Variants in NUP210 observed in about 807,000 individuals in gnomAD.
The protein encoded by NUP210 is nucleoporin 210.
NUP210 carries 151 observed loss-of-function variants against 196.0 expected under a neutral mutation model. The observed-to-expected ratio is 0.77, with a 90% confidence interval of 0.67 to 0.88. The LOEUF is 0.88. Ranked by LOEUF, NUP210 falls within the 40% of genes least tolerant of loss-of-function variation. The pLI, the probability that NUP210 is intolerant of heterozygous loss-of-function variation, is 0.00. For synonymous variants in NUP210, 1,070 were observed against 1,052.7 expected, an observed-to-expected ratio of 1.02 and a Z score of -0.32; for missense variants, 2,314 against 2,493.7, an observed-to-expected ratio of 0.93 and a Z score of 1.53.
At chr3:13,338,490 G>A (rs1331053104) in intron 25 of NUP210, among the ~76,000 whole-genome samples, 4 of 152,214 alleles carry the variant, frequency 2.6e-5, no homozygotes, top group African/African-American at 9.6e-5. Flanking sequence ...ACGTGCTCAG[G>A]CTGAGCCCAT....
In NUP210 at chr3:13,319,995, G is replaced by T. The variant is rs779370502; in HGVS notation, c.5167-16C>A. Reference sequence around the variant, plus strand: ...CGGATTTCACCTGGAAGAGACATCAGAGCTGGGGGTGCACATTCTGCAGAG... The same window carrying T: ...CGGATTTCACCTGGAAGAGACATCATAGCTGGGGGTGCACATTCTGCAGAG... On this transcript the variant is annotated splice_polypyrimidine_tract_variant and intron_variant, in intron 36 of 39. Coordinates refer to ENST00000254508, the MANE Select transcript of NUP210 (RefSeq NM_024923.4). 3 of 1,611,132 alleles carry T rather than the reference G, an allele frequency of 1.9e-6. No homozygotes were observed. The African/African-American group carries it at 4.0e-5, about 22-fold the overall frequency.
chr3:13,410,485 A>AT (rs1352861853), intron 1 of NUP210, among the ~76,000 whole-genome samples: 1 of 149,548 alleles, frequency 6.7e-6, no homozygotes, highest in Non-Finnish European at 1.5e-5. Flanking sequence ...GCCAATACTG[A>AT]TTTTTAAAAG....
At chr3:13,357,044 C>T (rs192549595) in intron 16 of NUP210, among the ~76,000 whole-genome samples, 2 of 152,366 alleles carry the variant, frequency 1.3e-5, no homozygotes, top group East Asian at 3.9e-4. Context: ...AGCAGGCTGC[C>T]TGTCCAGAGA....
At chr3:13,375,867 C>A (rs879433654) in intron 10 of NUP210, among the ~76,000 whole-genome samples, 1 of 146,222 alleles carries the variant, frequency 6.8e-6, no homozygotes, top group Non-Finnish European at 1.5e-5. Context: ...TCAGGGCACC[C>A]CAGCAGGATG....
intron 18 of NUP210, 124 bp downstream of exon 18, chr3:13,353,430 G>T: frequency 2.6e-6 from 2 of 765,440 alleles, no homozygotes; most frequent in Non-Finnish European, 4.5e-6. Flanking sequence ...AGAGGCTGGG[G>T]TGGGGGAGTG....
intron 23 of NUP210, among the ~76,000 whole-genome samples, chr3:13,341,301 T>C (rs908105117): frequency 3.9e-5 from 6 of 152,214 alleles, no homozygotes; most frequent in African/African-American, 9.7e-5. Flanking sequence ...GTTCCCTTTA[T>C]GATACCTCTG....
rs761556341 is a variant in NUP210, at chr3:13,379,554, A to G, written c.976+9T>C. 2.5e-6 allele frequency: 4 copies of G among 1,614,156 alleles called. No homozygotes were observed. Among genetic ancestry groups the G allele is most frequent in the Non-Finnish European group, 2.5e-6 (3 of 1,180,030 alleles). On this transcript the variant is annotated intron_variant, in intron 7 of 39. Coordinates refer to ENST00000254508, the MANE Select transcript of NUP210 (RefSeq NM_024923.4). The surrounding 1 kb of genome is among the most constrained non-coding windows in gnomAD (Gnocchi z 4.2). ...TGCCTAAGAACACACAAGCCCAAGA[A>G]AAGGATATTCCTGTGGCCAAGGACG... is the stretch of plus-strand genomic sequence containing the variant.
Position 13,348,470 on chromosome 3 carries a change from A to G in NUP210, c.2835+3409T>C, listed in dbSNP as rs1697837695. 2.0e-6 allele frequency: 2 copies of G among 985,016 alleles called. No individual in the cohort carries two copies. Among genetic ancestry groups the G allele is most frequent in the South Asian group, 9.4e-5 (2 of 21,286 alleles). The allele number at this position is 985,016 out of a possible 1,614,324, so 61.0% of individuals were successfully genotyped here. A position where few individuals can be genotyped will look rare whatever the true frequency, so the allele number is the denominator to read the frequency against. Reference sequence around the variant, plus strand: ...ACTGGCACTGTACACATTTTTCCCTAACTTGGAACTCCCCTCTTCTTGGTA... The same window carrying G: ...ACTGGCACTGTACACATTTTTCCCTGACTTGGAACTCCCCTCTTCTTGGTA... On this transcript the variant is annotated intron_variant, in intron 20 of 39. Transcript: ENST00000254508. The surrounding 1 kb of genome is among the most constrained non-coding windows in gnomAD (Gnocchi z 4.0).
intron 3 of NUP210, among the ~76,000 whole-genome samples, 153 bp downstream of exon 3, chr3:13,397,204 C>T (rs1228900507): frequency 1.3e-5 from 2 of 152,160 alleles, no homozygotes; most frequent in African/African-American, 4.8e-5. Flanking sequence ...GCATCTCCCC[C>T]AGCACCAACT....
chr3:13,341,544 C>T (rs1697493536), intron 23 of NUP210, among the ~76,000 whole-genome samples: 1 of 152,202 alleles, frequency 6.6e-6, no homozygotes, highest in Non-Finnish European at 1.5e-5. Context: ...GTCACTTGGC[C>T]CCCTCCCTCT....
At chr3:13,330,399 G>A in intron 30 of NUP210, 61 bp downstream of exon 30, 2 of 1,480,536 alleles carry the variant, frequency 1.4e-6, no homozygotes. Flanking sequence ...ACACCTGAGA[G>A]GCATATTACC....
Position 13,377,047 on chromosome 3 carries a change from T to C in NUP210, c.1152+409A>G, listed in dbSNP as rs193164503. Among the ~76,000 whole-genome samples the C allele has an allele frequency of 4.3e-3, 652 of 152,280 alleles. 6 individuals are homozygous for C. Among genetic ancestry groups the C allele is most frequent in the African/African-American group, 0.015 (603 of 41,546 alleles). ...TCTGTCATGCAGGGTTCCAGGTATT[T>C]CTGGAACCCAGTACGGAGAAAGCCA... On this transcript the variant is annotated intron_variant, in intron 9 of 39. Coordinates refer to ENST00000254508, the MANE Select transcript of NUP210 (RefSeq NM_024923.4).
intron 4 of NUP210, among the ~76,000 whole-genome samples, 186 bp downstream of exon 4, chr3:13,391,025 G>T (rs1699471903): frequency 6.6e-6 from 1 of 152,208 alleles, no homozygotes; most frequent in African/African-American, 2.4e-5. Flanking sequence ...AAGCAGCCAG[G>T]CTCCCGCACA....
intron 32 of NUP210, among the ~76,000 whole-genome samples, chr3:13,326,881 A>G (rs947099340): frequency 6.6e-6 from 1 of 152,382 alleles, no homozygotes; most frequent in South Asian, 2.1e-4. Flanking sequence ...AAGGGCTGGC[A>G]AATGCTTTCT....
At chr3:13,355,785 A>G (rs1029271304) in intron 16 of NUP210, among the ~76,000 whole-genome samples, 1 of 152,136 alleles carries the variant, frequency 6.6e-6, no homozygotes, top group African/African-American at 2.4e-5. Flanking sequence ...GGCTGTAGGG[A>G]CCTATCCTAG....
At position 13,350,185 on chromosome 3, in the gene NUP210, T is replaced by C. The variant is rs1024878530; in HGVS notation, c.2835+1694A>G. On this transcript the variant is annotated intron_variant, in intron 20 of 39. Coordinates refer to ENST00000254508, the MANE Select transcript of NUP210 (RefSeq NM_024923.4). The surrounding 1 kb of genome is among the most constrained non-coding windows in gnomAD (Gnocchi z 4.1). ...CTTACTGGGGAAAAGTGTGTGTGTG[T>C]GGGTGCGTGTGTGTTCAGCAAAATA... Among the ~76,000 whole-genome samples, 2 of 151,890 alleles carry C rather than the reference T, an allele frequency of 1.3e-5. No homozygotes were observed. The highest frequency in any genetic ancestry group is 2.4e-5 in the African/African-American group (1 of 41,276).
chr3:13,335,333 A>G, intron 28 of NUP210, 121 bp downstream of exon 28: 1 of 1,183,770 alleles, frequency 8.4e-7, no homozygotes, highest in Non-Finnish European at 1.2e-6. Context: ...TGTCATCCCC[A>G]CGGACTGAGA....
At chr3:13,417,373 C>T (rs552345639) in intron 1 of NUP210, among the ~76,000 whole-genome samples, 4 of 152,346 alleles carry the variant, frequency 2.6e-5, no homozygotes, top group African/African-American at 9.6e-5. Flanking sequence ...GGCTCAGGCA[C>T]ACACAGTGAT....
chr3:13,333,572 C>T (rs1379289669), intron 28 of NUP210, among the ~76,000 whole-genome samples: 1 of 152,244 alleles, frequency 6.6e-6, no homozygotes, highest in Non-Finnish European at 1.5e-5. Context: ...ACGTCCTCTC[C>T]ATGCCTGTCT....
Sources: allele counts gnomAD v4.1 joint callset (sites outside exome capture counted in the v4.1 genomes callset), GRCh38; gene constraint gnomAD v4.1.1; non-coding constraint Gnocchi (gnomAD v3.1); transcripts MANE v1.5; gene names NCBI Gene and HGNC (gene_info 2026-07-23, HGNC 2026-07-21).